The following ME3 variants were observed in gnomAD, a reference collection of about 807,000 sequenced individuals.
ME3 encodes NADP-dependent malic enzyme, mitochondrial.
A neutral mutation model predicts 68.9 loss-of-function variants in ME3; 48 were observed. The observed-to-expected ratio is 0.70, with a 90% confidence interval of 0.55 to 0.89. The LOEUF (loss-of-function observed/expected upper bound fraction) is 0.89, where lower values mean the gene tolerates loss of function less well. Among genes scored for constraint, ME3 ranks in the 40% least tolerant of loss-of-function variants. The probability of loss-of-function intolerance (pLI) is 0.00; values close to 1 mark genes in which losing one functional copy is unlikely to be tolerated. For missense variants in ME3, 675 were observed against 797.4 expected (o/e 0.85, Z 1.85); for synonymous variants, 320 against 318.8 (o/e 1.00, Z -0.04).
chr11:86,488,244 G>T (rs1416467428), intron 6 of ME3, among the ~76,000 whole-genome samples: 1 of 152,168 alleles, frequency 6.6e-6, no homozygotes, highest in Non-Finnish European at 1.5e-5. Context: ...GGACAAAACT[G>T]TCACCGGTTG....
chr11:86,599,459 C>G (rs1009972027), intron 2 of ME3, among the ~76,000 whole-genome samples: 3 of 152,150 alleles, frequency 2.0e-5, no homozygotes, highest in Non-Finnish European at 2.9e-5. Flanking sequence ...TCTGAAAAGA[C>G]CAAATCTGCA....
At chr11:86,482,902 G>T (rs942307975) in intron 7 of ME3, among the ~76,000 whole-genome samples, 10 of 152,106 alleles carry the variant, frequency 6.6e-5, no homozygotes, top group African/African-American at 1.9e-4. Flanking sequence ...AATCACTCCA[G>T]CTGAGTCAGT....
intron 2 of ME3, among the ~76,000 whole-genome samples, chr11:86,591,525 G>A (rs530585945): frequency 1.4e-4 from 22 of 152,318 alleles, no homozygotes; most frequent in South Asian, 2.1e-4. Context: ...ATCTGTAAGC[G>A]AAGGAGAGAG....
chr11:86,519,741 C>T (rs1372334905), intron 4 of ME3, among the ~76,000 whole-genome samples: 1 of 152,204 alleles, frequency 6.6e-6, no homozygotes, highest in Non-Finnish European at 1.5e-5. Context: ...GGCAACAGTA[C>T]AGCAAGAAAA....
intron 2 of ME3, among the ~76,000 whole-genome samples, chr11:86,570,894 A>G (rs1250049539): frequency 6.6e-6 from 1 of 152,204 alleles, no homozygotes; most frequent in Non-Finnish European, 1.5e-5. Flanking sequence ...GGAACTGGAC[A>G]ACAAAAGTTC....
At chr11:86,600,855 G>A (rs1364185370) in intron 2 of ME3, among the ~76,000 whole-genome samples, 1 of 151,724 alleles carries the variant, frequency 6.6e-6, no homozygotes, top group Non-Finnish European at 1.5e-5. Flanking sequence ...AATGACTACT[G>A]GGTACACAAC....
At chr11:86,561,174 A>G (rs1957212836) in intron 2 of ME3, among the ~76,000 whole-genome samples, 1 of 152,062 alleles carries the variant, frequency 6.6e-6, no homozygotes. Flanking sequence ...TTTCTTTGAC[A>G]TACTACCCAT....
chr11:86,589,492 A>G (rs919203136), intron 2 of ME3, among the ~76,000 whole-genome samples: 1 of 152,232 alleles, frequency 6.6e-6, no homozygotes, highest in African/African-American at 2.4e-5. Context: ...GAGATTCCAC[A>G]GAGGTGTCAA....
chr11:86,608,655 C>T (rs999442644), intron 2 of ME3, among the ~76,000 whole-genome samples: 1 of 152,032 alleles, frequency 6.6e-6, no homozygotes, highest in Non-Finnish European at 1.5e-5. Context: ...AAGGAGTTAT[C>T]GGTTCTTTCT....
intron 2 of ME3, among the ~76,000 whole-genome samples, chr11:86,669,327 G>T (rs1288474519): frequency 6.6e-6 from 1 of 152,330 alleles, no homozygotes; most frequent in Non-Finnish European, 1.5e-5. Context: ...TCATGGAAAG[G>T]TCAGGTCCTT....
chr11:86,445,864 C>T (rs1339528832), intron 13 of ME3, among the ~76,000 whole-genome samples: 2 of 152,114 alleles, frequency 1.3e-5, no homozygotes, highest in Non-Finnish European at 2.9e-5. Context: ...GACACCCACC[C>T]CCTCCCTTAC....
At chr11:86,650,759 G>C (rs967576574) in intron 2 of ME3, among the ~76,000 whole-genome samples, 1 of 152,164 alleles carries the variant, frequency 6.6e-6, no homozygotes, top group Admixed American at 6.5e-5. Context: ...AGGACAGTGG[G>C]TGCAGCACAC....
At chr11:86,611,633 C>A in intron 2 of ME3, among the ~76,000 whole-genome samples, 1 of 148,666 alleles carries the variant, frequency 6.7e-6, no homozygotes. Context: ...AAATGAATAT[C>A]TGATTAGTGC....
chr11:86,607,351 C>G (rs975960088), intron 2 of ME3, among the ~76,000 whole-genome samples: 2 of 152,060 alleles, frequency 1.3e-5, no homozygotes, highest in African/African-American at 4.8e-5. Flanking sequence ...AAAATTTTCC[C>G]TAACCCCTTT....
At chr11:86,652,290 T>A (rs1351586441) in intron 2 of ME3, among the ~76,000 whole-genome samples, 1 of 152,014 alleles carries the variant, frequency 6.6e-6, no homozygotes, top group Non-Finnish European at 1.5e-5. Flanking sequence ...GACACATAAT[T>A]GTCAGATTCA....
At chr11:86,501,556 C>T (rs1338904707) in intron 5 of ME3, among the ~76,000 whole-genome samples, 1 of 152,218 alleles carries the variant, frequency 6.6e-6, no homozygotes, top group Non-Finnish European at 1.5e-5. Flanking sequence ...AAGTAGATGA[C>T]ACCTGTAGAT....
chr11:86,544,601 A>T lies in ME3; in HGVS notation c.467+11952T>A, dbSNP rs191872217. 2.0e-3 allele frequency among the ~76,000 whole-genome samples: 301 copies of T among 152,288 alleles called. 4 individuals carry two copies. The highest frequency in any genetic ancestry group is 0.018 in the Admixed American group (275 of 15,286). On this transcript the variant is annotated intron_variant, in intron 4 of 14. Coordinates refer to ENST00000543262, the Ensembl canonical transcript of ME3. ...ACACATACACCCTCCTCCCAAGACTAAACCAGGAAGAAGTCCAATCCCTAA... is the reference window on the plus strand; with the variant it reads ...ACACATACACCCTCCTCCCAAGACTTAACCAGGAAGAAGTCCAATCCCTAA...
chr11:86,533,064 G>C (rs748133019), intron 4 of ME3, among the ~76,000 whole-genome samples: 3 of 148,828 alleles, frequency 2.0e-5, no homozygotes, highest in Admixed American at 2.0e-4. Flanking sequence ...AAAAAAAAAA[G>C]ACTCACAAAC....
intron 8 of ME3, among the ~76,000 whole-genome samples, chr11:86,451,763 G>A (rs1034882565): frequency 1.3e-5 from 2 of 152,194 alleles, no homozygotes; most frequent in African/African-American, 4.8e-5. Context: ...ATCATCTATG[G>A]ATGTTTGGAA....
Sources: gnomAD v4.1 joint callset for allele counts (sites outside exome capture counted in the v4.1 genomes callset) on GRCh38, gnomAD v4.1.1 for gene constraint, MANE v1.5 for transcripts, NCBI Gene and HGNC (gene_info 2026-07-23, HGNC 2026-07-21) for gene names.